DCC: variants seen among roughly 807,000 people sequenced by gnomAD.
DCC encodes the protein DCC netrin 1 receptor, also known as netrin receptor DCC.
A neutral mutation model predicts 172.5 loss-of-function variants in DCC; 58 were observed. The ratio of observed to expected loss-of-function variants is 0.34; its 90% CI spans 0.27 to 0.42. DCC has a LOEUF of 0.42. DCC is among the 10% of genes least tolerant of loss of function. The pLI, the probability that DCC is intolerant of heterozygous loss-of-function variation, is 1.00. For synonymous variants in DCC, 709 were observed against 644.5 expected (o/e 1.10, Z -1.52); for missense variants, 1,740 against 1,791.0 (o/e 0.97, Z 0.51).
Position 52,762,706 on chromosome 18 carries a change from C to T in DCC, c.412+10332C>T, listed in dbSNP as rs555395074. ...AGGTATGGTAGTACATGCCTGCAGT[C>T]CTAGCTACTTAGGAGGCTGAAGTGG... is the stretch of plus-strand genomic sequence containing the variant. On this transcript the variant is annotated intron_variant, in intron 2 of 28. Transcript: ENST00000442544. 9.2e-5 allele frequency among the ~76,000 whole-genome samples: 14 copies of T among 152,100 alleles called. No homozygotes were observed. The South Asian group carries it at 2.9e-3, about 32-fold the overall frequency.
At chr18:52,608,675 C>A (rs1477780228) in intron 1 of DCC, among the ~76,000 whole-genome samples, 1 of 152,144 alleles carries the variant, frequency 6.6e-6, no homozygotes, top group African/African-American at 2.4e-5. Flanking sequence ...ACTTAAGGAA[C>A]AATAATTTTA....
intron 1 of DCC, among the ~76,000 whole-genome samples, chr18:52,726,613 A>G (rs368523259): frequency 2.0e-5 from 3 of 152,268 alleles, no homozygotes; most frequent in African/African-American, 7.2e-5. Flanking sequence ...ATTACATTTT[A>G]TTGTTTTTGC....
chr18:52,556,695 C>T (rs1020610926), intron 1 of DCC, among the ~76,000 whole-genome samples: 1 of 152,006 alleles, frequency 6.6e-6, no homozygotes, highest in Non-Finnish European at 1.5e-5. Flanking sequence ...CCCCAGGAGA[C>T]CACCCAGAAC....
chr18:53,154,270 A>G (rs2054692509), intron 7 of DCC, among the ~76,000 whole-genome samples: 1 of 152,104 alleles, frequency 6.6e-6, no homozygotes. Flanking sequence ...CACTCTTCAG[A>G]TAGGTCCCTC....
chr18:53,339,684 T>A, intron 14 of DCC, 29 bp from the exon 15 acceptor site: 1 of 1,581,310 alleles, frequency 6.3e-7, no homozygotes, highest in Non-Finnish European at 8.7e-7. Flanking sequence ...TTATGAGACA[T>A]GCTGATGATG....
intron 5 of DCC, among the ~76,000 whole-genome samples, chr18:52,944,714 T>C (rs1378857185): frequency 6.6e-6 from 1 of 152,104 alleles, no homozygotes; most frequent in Middle Eastern, 3.2e-3. Context: ...AAATAAACTA[T>C]ACAGGAAGAG....
chr18:53,136,657 G>T (rs1426723414), intron 7 of DCC, among the ~76,000 whole-genome samples: 2 of 151,652 alleles, frequency 1.3e-5, no homozygotes, highest in Non-Finnish European at 2.9e-5. Context: ...GGAAACTTTA[G>T]GGTTGATAAG....
chr18:53,336,050 G>A lies in DCC; in HGVS notation c.2165-3663G>A, dbSNP rs562009734. ...TACAATTCAAGATGAGATTTGGGTG[G>A]GAACACAACCAAACCATATCAGGCT... On this transcript the variant is annotated intron_variant, in intron 14 of 28. Transcript: ENST00000442544. Among the ~76,000 whole-genome samples the A allele has an allele frequency of 2.4e-4, 36 of 152,160 alleles. 1 individual carries two copies. The South Asian group carries it at 7.3e-3, about 31-fold the overall frequency.
intron 24 of DCC, among the ~76,000 whole-genome samples, chr18:53,466,364 A>C (rs1253724207): frequency 6.6e-6 from 1 of 152,198 alleles, no homozygotes; most frequent in Non-Finnish European, 1.5e-5. Context: ...TCTTCTATAC[A>C]GACTTTCCAG....
At chr18:52,627,177 T>C (rs1211492455) in intron 1 of DCC, among the ~76,000 whole-genome samples, 1 of 152,226 alleles carries the variant, frequency 6.6e-6, no homozygotes, top group Non-Finnish European at 1.5e-5. Context: ...TGCACAACCC[T>C]ATACATCCTT....
chr18:53,105,064 T>A (rs1311242568), intron 7 of DCC, among the ~76,000 whole-genome samples: 1 of 152,036 alleles, frequency 6.6e-6, no homozygotes, highest in African/African-American at 2.4e-5. Flanking sequence ...GAAATGGTAC[T>A]ATTTGGAGAT....
chr18:53,285,660 A>G (rs558810322), intron 12 of DCC, among the ~76,000 whole-genome samples: 9 of 152,316 alleles, frequency 5.9e-5, no homozygotes, highest in African/African-American at 2.2e-4. Context: ...TGGAGCTATG[A>G]GAAGAGCACC....
intron 14 of DCC, among the ~76,000 whole-genome samples, chr18:53,327,859 T>A: frequency 6.6e-6 from 1 of 152,334 alleles, no homozygotes; most frequent in East Asian, 1.9e-4. Context: ...TCTTGTACTT[T>A]TGATAGGGAC....
At chr18:52,502,849 T>C (rs970715494) in intron 1 of DCC, among the ~76,000 whole-genome samples, 8 of 152,212 alleles carry the variant, frequency 5.3e-5, no homozygotes, top group Non-Finnish European at 1.2e-4. Flanking sequence ...TTCAGTGACA[T>C]CGTGGGAGAA....
chr18:53,052,115 A>G (rs1252220824), intron 5 of DCC, among the ~76,000 whole-genome samples: 2 of 152,012 alleles, frequency 1.3e-5, no homozygotes, highest in Non-Finnish European at 2.9e-5. Flanking sequence ...GGTGGCATCT[A>G]TTATGAGACT....
chr18:52,603,308 A>G (rs1376847379), intron 1 of DCC, among the ~76,000 whole-genome samples: 2 of 152,078 alleles, frequency 1.3e-5, no homozygotes, highest in East Asian at 3.9e-4. Context: ...ACCTTGGCCC[A>G]TTCTATTATT....
At chr18:52,676,722 G>A (rs2035652292) in intron 1 of DCC, among the ~76,000 whole-genome samples, 1 of 152,136 alleles carries the variant, frequency 6.6e-6, no homozygotes, top group Non-Finnish European at 1.5e-5. Flanking sequence ...AGATCAGCAG[G>A]AGCTTGATTA....
chr18:53,225,595 AG>A (rs1349647207), intron 12 of DCC, among the ~76,000 whole-genome samples: 2 of 152,172 alleles, frequency 1.3e-5, no homozygotes, highest in African/African-American at 2.4e-5. Flanking sequence ...GTGTAAGTAA[AG>A]GTCATCAGAG....
chr18:52,872,774 A>G (rs2039342334), intron 2 of DCC, among the ~76,000 whole-genome samples: 1 of 152,108 alleles, frequency 6.6e-6, no homozygotes, highest in South Asian at 2.1e-4. Context: ...TGCTGGTTAT[A>G]TTTCATTATA....
Sources: allele counts gnomAD v4.1 joint callset (sites outside exome capture counted in the v4.1 genomes callset), GRCh38; gene constraint gnomAD v4.1.1; transcripts MANE v1.5; gene names NCBI Gene and HGNC (gene_info 2026-07-23, HGNC 2026-07-21).